The following DAGLA variants were observed in gnomAD, a reference collection of about 807,000 sequenced individuals.
DAGLA encodes diacylglycerol lipase-alpha.
Under a neutral mutation model 102.6 loss-of-function variants are expected in DAGLA, and 22 were observed. That is an observed-to-expected ratio of 0.21 (90% CI 0.15 to 0.31). The LOEUF is 0.31. Among genes scored for constraint, DAGLA ranks in the 10% least tolerant of loss-of-function variants. The probability of loss-of-function intolerance (pLI) is 1.00; values close to 1 mark genes in which losing one functional copy is unlikely to be tolerated. For synonymous variants in DAGLA, 578 were observed against 628.9 expected (o/e 0.92, Z 1.21); for missense variants, 927 against 1,446.6 (o/e 0.64, Z 5.83).
intron 1 of DAGLA, among the ~76,000 whole-genome samples, chr11:61,694,952 C>T (rs3931642): frequency 1.4e-3 from 220 of 152,164 alleles, no homozygotes; most frequent in Admixed American, 2.0e-3. Context: ...AACATGTGCA[C>T]GTCTCCCCGC....
rs1024671997 is a variant in DAGLA, at chr11:61,744,536, C to T, written c.*47C>T. ...CGGGCCCAGGCAGGAGCAGGTGGCC[C>T]TGTGGGCACCTGGTGCCTGCCCCCT... On this transcript the variant is annotated 3_prime_UTR_variant, in exon 20 of 20. Coordinates refer to ENST00000257215, the MANE Select transcript of DAGLA (RefSeq NM_006133.3). 1.2e-5 allele frequency: 18 copies of T among 1,464,804 alleles called. No individual in the cohort carries two copies. Among genetic ancestry groups the T allele is most frequent in the Non-Finnish European group, 1.4e-5 (15 of 1,090,524 alleles). The allele number at this position is 1,464,804 out of a possible 1,614,324, so 90.7% of individuals were successfully genotyped here.
At chr11:61,723,082 C>T in intron 4 of DAGLA, 122 bp downstream of exon 4, 1 of 844,412 alleles carries the variant, frequency 1.2e-6, no homozygotes. Context: ...GGGGCACCAG[C>T]AGGTTGGCTG....
At chr11:61,699,572 G>A (rs2065092774) in intron 1 of DAGLA, among the ~76,000 whole-genome samples, 1 of 152,210 alleles carries the variant, frequency 6.6e-6, no homozygotes, top group Non-Finnish European at 1.5e-5. Context: ...AAGTCACCCA[G>A]CCAAGGCATG....
At chr11:61,710,124 T>C (rs2135569888) in intron 1 of DAGLA, among the ~76,000 whole-genome samples, 1 of 152,252 alleles carries the variant, frequency 6.6e-6, no homozygotes, top group South Asian at 2.1e-4. Flanking sequence ...TGGAAGGTAC[T>C]AATTCTTCAC....
intron 1 of DAGLA, among the ~76,000 whole-genome samples, chr11:61,695,034 C>G (rs1281316647): frequency 1.3e-5 from 2 of 152,328 alleles, no homozygotes; most frequent in East Asian, 3.9e-4. Flanking sequence ...GCCCCACGGG[C>G]CCTCTCTGTG....
chr11:61,701,421 G>A (rs561609957), intron 1 of DAGLA, among the ~76,000 whole-genome samples: 2 of 152,266 alleles, frequency 1.3e-5, no homozygotes, highest in East Asian at 1.9e-4. Context: ...GGAAGCTGCC[G>A]AGGCTCGGGC....
At chr11:61,728,107 T>C (rs1565259655) in intron 6 of DAGLA, 46 bp from the exon 7 acceptor site, 1 of 1,609,784 alleles carries the variant, frequency 6.2e-7, no homozygotes, top group Non-Finnish European at 8.5e-7. Flanking sequence ...TCTCGTCCTC[T>C]CTCCTGCTCC....
chr11:61,710,191 G>C (rs1053329931), intron 1 of DAGLA, among the ~76,000 whole-genome samples: 1 of 152,138 alleles, frequency 6.6e-6, no homozygotes, highest in Non-Finnish European at 1.5e-5. Context: ...TGAGAAGCCA[G>C]AGCGCTGGGA....
intron 1 of DAGLA, among the ~76,000 whole-genome samples, chr11:61,704,653 G>C (rs544773600): frequency 6.6e-6 from 1 of 152,286 alleles, no homozygotes; most frequent in African/African-American, 2.4e-5. Flanking sequence ...CAGGAAGGCA[G>C]GAGATGTTCA....
intron 3 of DAGLA, among the ~76,000 whole-genome samples, chr11:61,722,510 C>A (rs765315119): frequency 1.2e-4 from 18 of 152,196 alleles, no homozygotes; most frequent in Non-Finnish European, 2.4e-4. Flanking sequence ...CTCTTGAACC[C>A]AGGAGGCAGA....
intron 15 of DAGLA, 90 bp downstream of exon 15, chr11:61,737,845 C>A: frequency 8.8e-7 from 1 of 1,137,770 alleles, no homozygotes; most frequent in Non-Finnish European, 1.3e-6. Context: ...GCATCTCTCT[C>A]AGTCCGATTC....
At chr11:61,743,414 C>A in intron 19 of DAGLA, 118 bp from the exon 20 acceptor site, 5 of 653,260 alleles carry the variant, frequency 7.7e-6, no homozygotes, top group Non-Finnish European at 1.2e-5. Flanking sequence ...ACATCATCAA[C>A]AACTGCTAAA....
At chr11:61,724,145 C>T (rs995196980) in intron 5 of DAGLA, among the ~76,000 whole-genome samples, 1 of 152,050 alleles carries the variant, frequency 6.6e-6, no homozygotes, top group African/African-American at 2.4e-5. Context: ...AGAGGCAAGT[C>T]AAGGAAAGCT....
intron 17 of DAGLA, 104 bp downstream of exon 17, chr11:61,739,765 G>T (rs2065461139): frequency 1.6e-6 from 2 of 1,229,882 alleles, no homozygotes; most frequent in East Asian, 5.1e-5. Flanking sequence ...GCTGGGGGTG[G>T]AGGCTGGGAG....
chr11:61,734,481 T>C lies in DAGLA; in HGVS notation c.975-368T>C, dbSNP rs560702992. On this transcript the variant is annotated intron_variant, in intron 9 of 19. Coordinates refer to ENST00000257215, the MANE Select transcript of DAGLA (RefSeq NM_006133.3). This position sits in a 1 kb window ranked among gnomAD's most constrained non-coding sequence, Gnocchi z 4.2. ...GATTCCTGAGCATGCAGATGGTGTC[T>C]AAAACACAAGACTGCATGAGTGCAT... is the stretch of plus-strand genomic sequence containing the variant. Among the ~76,000 whole-genome samples, 77 of 152,110 alleles carry C rather than the reference T, an allele frequency of 5.1e-4. No homozygotes were observed. The highest frequency in any genetic ancestry group is 1.7e-3 in the African/African-American group (72 of 41,478).
chr11:61,744,755 G>A lies in DAGLA; in HGVS notation c.*266G>A. The A allele has an allele frequency of 2.4e-6, 1 of 424,996 alleles. No individual in the cohort carries two copies. Among genetic ancestry groups the A allele is most frequent in the Non-Finnish European group, 4.2e-6 (1 of 238,532 alleles). The allele number at this position is 424,996 out of a possible 1,614,324, so 26.3% of individuals were successfully genotyped here. On this transcript the variant is annotated 3_prime_UTR_variant, in exon 20 of 20. Transcript: ENST00000257215. ...AGGAGCCTGGGCAGCCTGCTGGGTGGGCCACACTCAGCCTGACTGCCCTCC... is the reference window on the plus strand; with the variant it reads ...AGGAGCCTGGGCAGCCTGCTGGGTGAGCCACACTCAGCCTGACTGCCCTCC...
chr11:61,745,050 G>C lies in DAGLA; in HGVS notation c.*561G>C, dbSNP rs2135619390. ...GGGCTTGGCTCAGGATGTGTTCTGGGCTTGCAAGCCCCCCGCCCAATCATG... is the reference window on the plus strand; with the variant it reads ...GGGCTTGGCTCAGGATGTGTTCTGGCCTTGCAAGCCCCCCGCCCAATCATG... On this transcript the variant is annotated 3_prime_UTR_variant, in exon 20 of 20. Transcript: ENST00000257215. 1 of 156,220 alleles carries C rather than the reference G, an allele frequency of 6.4e-6. No homozygotes were observed. The highest frequency in any genetic ancestry group is 2.0e-4 in the South Asian group (1 of 5,024). 9.7% of individuals were successfully genotyped at this position (156,220 alleles called of 1,614,324 possible).
chr11:61,736,225 T>A (rs765082615), intron 12 of DAGLA, 45 bp from the exon 13 acceptor site: 13 of 1,544,730 alleles, frequency 8.4e-6, no homozygotes, highest in Non-Finnish European at 1.1e-5. Context: ...TGCTGGTCAC[T>A]GGGAGGCCTC....
intron 9 of DAGLA, among the ~76,000 whole-genome samples, chr11:61,732,163 AAGG>A (rs1218732229): frequency 1.3e-5 from 2 of 152,134 alleles, no homozygotes; most frequent in Admixed American, 6.5e-5. Flanking sequence ...TGCCAGGCAG[AAGG>A]AGGACAGTTC....
Sources: gnomAD v4.1 joint callset for allele counts (sites outside exome capture counted in the v4.1 genomes callset) on GRCh38, gnomAD v4.1.1 for gene constraint, Gnocchi (gnomAD v3.1) non-coding constraint, MANE v1.5 for transcripts, NCBI Gene and HGNC (gene_info 2026-07-23, HGNC 2026-07-21) for gene names.